The following RBFOX3 variants were observed in gnomAD, a reference collection of about 807,000 sequenced individuals.
The protein encoded by RBFOX3 is RNA binding fox-1 homolog 3.
RBFOX3 carries 17 observed loss-of-function variants against 48.7 expected under a neutral mutation model. The observed-to-expected ratio is 0.35, with a 90% CI of 0.24 to 0.52. The LOEUF (loss-of-function observed/expected upper bound fraction) is 0.52, where lower values mean the gene tolerates loss of function less well. RBFOX3 is among the 20% of genes least tolerant of loss of function. The pLI, the probability that RBFOX3 is intolerant of heterozygous loss-of-function variation, is 0.94. For missense variants in RBFOX3, 382 were observed against 497.5 expected, an observed-to-expected ratio of 0.77 and a Z score of 2.21; for synonymous variants, 212 against 209.5, an observed-to-expected ratio of 1.01 and a Z score of -0.10.
At chr17:79,633,486 G>A in the RBFOX3 span, among the ~76,000 whole-genome samples, 3 of 152,204 alleles carry the variant, frequency 2.0e-5, no homozygotes, top group African/African-American at 7.2e-5. Context: ...CAGGGCCCTG[G>A]TCTCATGGAT....
At chr17:79,653,380 G>GT in the RBFOX3 span, among the ~76,000 whole-genome samples, 1 of 152,198 alleles carries the variant, frequency 6.6e-6, no homozygotes, top group South Asian at 2.1e-4. Context: ...GAAAAGGCAT[G>GT]TTGGAAGGTG....
At chr17:79,097,771 T>C (rs1209219702) in intron 9 of RBFOX3, 26 bp from the exon 10 acceptor site, 1 of 1,550,268 alleles carries the variant, frequency 6.5e-7, no homozygotes, top group Middle Eastern at 1.7e-4. Context: ...AGAGACCTAG[T>C]CACTGCCTTC....
chr17:79,275,492 G>C (rs964032947), intron 3 of RBFOX3, among the ~76,000 whole-genome samples: 23 of 152,294 alleles, frequency 1.5e-4, no homozygotes, highest in Admixed American at 3.3e-4. Context: ...CATGAGCTCA[G>C]GGCCACCCAC....
chr17:79,135,708 T>C (rs1676474637), intron 4 of RBFOX3, among the ~76,000 whole-genome samples: 1 of 152,162 alleles, frequency 6.6e-6, no homozygotes, highest in African/African-American at 2.4e-5. Flanking sequence ...GACCAGAAAC[T>C]GTCCTCACCC....
intron 4 of RBFOX3, among the ~76,000 whole-genome samples, chr17:79,153,893 C>T (rs2045161734): frequency 6.6e-6 from 1 of 152,172 alleles, no homozygotes; most frequent in Non-Finnish European, 1.5e-5. Context: ...GTCTCCAGCC[C>T]CCATGATCCA....
intron 3 of RBFOX3, among the ~76,000 whole-genome samples, chr17:79,304,942 C>T (rs2075889684): frequency 6.6e-6 from 1 of 152,110 alleles, no homozygotes. Context: ...CTTCACTTGG[C>T]CCCTCCCTCC....
At chr17:79,149,794 G>A (rs186145318) in intron 4 of RBFOX3, among the ~76,000 whole-genome samples, 235 of 151,400 alleles carry the variant, frequency 1.6e-3, no homozygotes, top group African/African-American at 5.5e-3. Context: ...GCTGGGCATC[G>A]CCATGAGCTG....
At chr17:79,631,304 A>G in the RBFOX3 span, among the ~76,000 whole-genome samples, 2 of 152,120 alleles carry the variant, frequency 1.3e-5, no homozygotes, top group South Asian at 2.1e-4. Context: ...TAAACACTCT[A>G]TAGATGCCCC....
At position 79,328,544 on chromosome 17, in the gene RBFOX3, G is replaced by A. The variant is rs112086696; in HGVS notation, c.-174-20720C>T. Among the ~76,000 whole-genome samples, 521 of 152,276 alleles carry A rather than the reference G, an allele frequency of 3.4e-3. 4 individuals carry two copies. Among genetic ancestry groups the A allele is most frequent in the African/African-American group, 0.011 (468 of 41,558 alleles). ...CAATGGAAATGGCCACCCATGACCC[G>A]TGGCCACCGTTGCAAACAGCACAGG... is the stretch of plus-strand genomic sequence containing the variant. On this transcript the variant is annotated intron_variant, in intron 2 of 14. Coordinates refer to ENST00000693108, the MANE Select transcript of RBFOX3 (RefSeq NM_001350451.2).
At chr17:79,467,639 C>T (rs1298272335) in intron 2 of RBFOX3, among the ~76,000 whole-genome samples, 3 of 152,300 alleles carry the variant, frequency 2.0e-5, no homozygotes, top group African/African-American at 7.2e-5. Flanking sequence ...TGGGGGGCAG[C>T]ACCTGTTCCG....
At chr17:79,566,619 G>A (rs1184952064) in intron 1 of RBFOX3, among the ~76,000 whole-genome samples, 1 of 152,326 alleles carries the variant, frequency 6.6e-6, no homozygotes, top group East Asian at 1.9e-4. Flanking sequence ...GTGGAGATGA[G>A]GCTGTGCTGG....
the RBFOX3 span, among the ~76,000 whole-genome samples, chr17:79,616,341 G>A: frequency 6.6e-6 from 1 of 152,026 alleles, no homozygotes; most frequent in Non-Finnish European, 1.5e-5. Flanking sequence ...CTCAAGACCA[G>A]CCTGGCCAAC....
intron 2 of RBFOX3, among the ~76,000 whole-genome samples, chr17:79,425,906 C>T (rs1555725202): frequency 6.6e-6 from 1 of 152,142 alleles, no homozygotes; most frequent in East Asian, 1.9e-4. Flanking sequence ...GAGGGGCGGG[C>T]ACCAGGCCTG....
intron 2 of RBFOX3, among the ~76,000 whole-genome samples, chr17:79,454,984 A>G (rs1250884998): frequency 1.3e-5 from 2 of 152,186 alleles, no homozygotes; most frequent in African/African-American, 4.8e-5. Context: ...ACGAGGCCCG[A>G]CAGCATCCCC....
intron 2 of RBFOX3, among the ~76,000 whole-genome samples, chr17:79,417,413 C>T (rs1322267065): frequency 3.3e-5 from 5 of 152,218 alleles, no homozygotes; most frequent in South Asian, 2.1e-4. Context: ...AGAGCACCAG[C>T]GGCCTGGCTT....
intron 4 of RBFOX3, among the ~76,000 whole-genome samples, chr17:79,156,923 T>C (rs2045936503): frequency 6.6e-6 from 1 of 152,172 alleles, no homozygotes; most frequent in Non-Finnish European, 1.5e-5. Context: ...GCTGGCTGTG[T>C]TTGCCCCGCT....
Position 79,390,838 on chromosome 17 carries a change from C to T in RBFOX3, c.-174-83014G>A, listed in dbSNP as rs571828515. Among the ~76,000 whole-genome samples, 82 of 152,308 alleles carry T rather than the reference C, an allele frequency of 5.4e-4. No homozygotes were observed. Among genetic ancestry groups the T allele is most frequent in the Admixed American group, 3.7e-3 (56 of 15,310 alleles). ...ATGGAGCATCTGAGAGTTGAGGCAG[C>T]GGAACCCCTCACCAGGAGGCACCTT... On this transcript the variant is annotated intron_variant, in intron 2 of 14. Transcript: ENST00000693108. This position sits in a 1 kb window ranked among gnomAD's most constrained non-coding sequence, Gnocchi z 4.2.
the RBFOX3 span, among the ~76,000 whole-genome samples, chr17:79,617,798 G>T: frequency 6.6e-6 from 1 of 152,220 alleles, no homozygotes; most frequent in African/African-American, 2.4e-5. Flanking sequence ...CCATATCACA[G>T]ATGAGAACAC....
intron 2 of RBFOX3, among the ~76,000 whole-genome samples, chr17:79,354,353 T>G (rs1014669688): frequency 6.6e-6 from 1 of 152,220 alleles, no homozygotes; most frequent in Non-Finnish European, 1.5e-5. Flanking sequence ...ACTGGCTCAC[T>G]CCAGCTAGCA....
Sources: gnomAD v4.1 joint callset for allele counts (sites outside exome capture counted in the v4.1 genomes callset) on GRCh38, gnomAD v4.1.1 for gene constraint, Gnocchi (gnomAD v3.1) non-coding constraint, MANE v1.5 for transcripts, NCBI Gene and HGNC (gene_info 2026-07-23, HGNC 2026-07-21) for gene names.